The following ZNF334 variants were observed in gnomAD, a reference collection of about 807,000 sequenced individuals.
ZNF334 encodes zinc finger protein 334.
A neutral mutation model predicts 12.4 loss-of-function variants in ZNF334; 14 were observed. That is an observed-to-expected ratio of 1.13 (90% confidence interval 0.74 to 1.76). The LOEUF (loss-of-function observed/expected upper bound fraction) is 1.76. Ranked by LOEUF, ZNF334 falls within the 40% of genes most tolerant of loss-of-function variation. The pLI, the probability that ZNF334 is intolerant of heterozygous loss-of-function variation, is 0.00. For missense variants in ZNF334, 797 were observed against 804.5 expected, an observed-to-expected ratio of 0.99 and a Z score of 0.11; for synonymous variants, 273 against 269.6, an observed-to-expected ratio of 1.01 and a Z score of -0.12.
chr20:46,471,809 C>T, the ZNF334 span, among the ~76,000 whole-genome samples: 1 of 152,186 alleles, frequency 6.6e-6, no homozygotes. Context: ...CTTATGCCAA[C>T]ACCATACTTA....
At chr20:46,498,901 G>A (rs929638688), downstream of ZNF334, among the ~76,000 whole-genome samples, 6 of 152,186 alleles carry the variant, frequency 3.9e-5, no homozygotes, top group South Asian at 2.1e-4. Context: ...AGGGCCGGGC[G>A]CGGTGGCTCA....
At position 46,502,633 on chromosome 20, in the gene ZNF334, G is replaced by A. The variant is rs371979289; in HGVS notation, c.706C>T (p.Pro236Ser). 1.2e-6 allele frequency: 2 copies of A among 1,612,774 alleles called. No individual in the cohort carries two copies. The highest frequency in any genetic ancestry group is 3.3e-5 in the Admixed American group (2 of 60,018). The stretch of plus-strand genomic sequence containing the variant: ...TTCCTACATTCATTACATTCATTTG[G>A]TTTCCTTTCAGTCTGTCTCCCCTTT... ...TQKGRQTERK[P>S]NECNECRKTF... is the part of the protein sequence containing the mutation. The change falls in exon 5 of 5, where the codon CCA becomes TCA. Residue 236 changes from proline (P) to serine (S), a missense_variant. Physicochemically the swap from Pro to Ser is moderately conservative, Grantham distance 74 (BLOSUM62 -1). Coordinates refer to ENST00000692313, the MANE Select transcript of ZNF334 (RefSeq NM_001353824.2).
chr20:46,501,764 G>A lies in ZNF334; in HGVS notation c.1575C>T (p.Ala525=), dbSNP rs549261123. The A allele has an allele frequency of 2.3e-5, 37 of 1,613,972 alleles. No homozygotes were observed. Among genetic ancestry groups the A allele is most frequent in the Admixed American group, 1.8e-4 (11 of 60,008 alleles). The change falls in exon 5 of 5, where the codon GCC becomes GCT. Residue 525 remains alanine (A), a synonymous_variant. Coordinates refer to ENST00000692313, the MANE Select transcript of ZNF334 (RefSeq NM_001353824.2). ...CAATGAGGTGTGAGTTTTTGCTGAC[G>A]GCATGCCCATGTTCACTACACTCAT... is the stretch of plus-strand genomic sequence containing the variant. ...NLYECSEHGH[A]VSKNSHLIVH...
the ZNF334 span, among the ~76,000 whole-genome samples, chr20:46,474,933 A>AG: frequency 6.6e-6 from 1 of 152,180 alleles, no homozygotes; most frequent in Admixed American, 6.5e-5. Flanking sequence ...AGAAGAGAAG[A>AG]GGGGGTGAAG....
the ZNF334 span, among the ~76,000 whole-genome samples, chr20:46,466,023 T>C: frequency 6.6e-6 from 1 of 151,972 alleles, no homozygotes; most frequent in Admixed American, 6.6e-5. Flanking sequence ...GTTAGGAAAC[T>C]AGAGGTGTTG....
rs757422355 is a variant in ZNF334 at position 46,501,447 on chromosome 20, T to C, written c.1892A>G (p.Asn631Ser). ...GCGACGGTAGGTTTTCCCACATTGA[T>C]TACATTCATATGGTTTCTCTCCTGT... Reference protein sequence around the residue: ...IHTGEKPYECNQCGKTYRRLW... With the variant: ...IHTGEKPYECSQCGKTYRRLW... The change falls in exon 5 of 5, where the codon AAT (asparagine) becomes AGT (serine). Residue 631 changes from asparagine (N) to serine (S), a missense_variant. Asn to Ser is a conservative substitution (Grantham distance 46). Transcript: ENST00000692313. The C allele has an allele frequency of 3.1e-6, 5 of 1,614,004 alleles. No individual in the cohort carries two copies. Among genetic ancestry groups the C allele is most frequent in the Admixed American group, 1.7e-5 (1 of 60,010 alleles).
downstream of ZNF334, among the ~76,000 whole-genome samples, chr20:46,494,643 A>T (rs1299925804): frequency 1.3e-5 from 2 of 152,228 alleles, no homozygotes; most frequent in Non-Finnish European, 2.9e-5. Flanking sequence ...GGGACCTGTC[A>T]TCCCTAATTT....
chr20:46,502,223 T>C lies in ZNF334; in HGVS notation c.1116A>G (p.Arg372=). The change falls in exon 5 of 5, where the codon AGA becomes AGG. Residue 372 remains arginine (R), a synonymous_variant. Coordinates refer to ENST00000692313, the MANE Select transcript of ZNF334 (RefSeq NM_001353824.2). The part of the protein sequence containing the change: ...SYLVVHQRTH[R]GEKPNECKEC... Reference sequence around the variant, plus strand: ...CCTTACATTCATTTGGCTTCTCTCCTCTGTGAGTTCTTTGATGTACAACAA... The same window carrying C: ...CCTTACATTCATTTGGCTTCTCTCCCCTGTGAGTTCTTTGATGTACAACAA... 6.2e-7 allele frequency: 1 copy of C among 1,614,080 alleles called. No individual in the cohort carries two copies. The highest frequency in any genetic ancestry group is 8.5e-7 in the Non-Finnish European group (1 of 1,180,016).
Position 46,513,529 on chromosome 20 carries a change from CG to C in ZNF334, c.-1029del, listed in dbSNP as rs2061729043. ...AAGTCTCGGCGGGACCAGGGATTCA[CG>C]GGCTGCAGGACCCTCACCCGGAAGA... On this transcript the variant is annotated 5_prime_UTR_variant, in exon 1 of 5. Coordinates refer to ENST00000692313, the MANE Select transcript of ZNF334 (RefSeq NM_001353824.2). 6.6e-6 allele frequency: 1 copy of C among 152,306 alleles called. No homozygotes were observed. Among genetic ancestry groups the C allele is most frequent in the South Asian group, 2.1e-4 (1 of 4,828 alleles). 9.4% of individuals were successfully genotyped at this position (152,306 alleles called of 1,614,324 possible). A position where few individuals can be genotyped will look rare whatever the true frequency, so the allele number is the denominator to read the frequency against.
chr20:46,478,089 C>A, the ZNF334 span, among the ~76,000 whole-genome samples: 1 of 152,172 alleles, frequency 6.6e-6, no homozygotes, highest in South Asian at 2.1e-4. Context: ...TCTCCCTTTC[C>A]TCTGATTTTG....
chr20:46,493,575 A>G, the ZNF334 span, among the ~76,000 whole-genome samples: 15 of 152,156 alleles, frequency 9.9e-5, no homozygotes, highest in African/African-American at 3.4e-4. Context: ...CTTGAGGTCA[A>G]GAGTTTGAGA....
At position 46,501,994 on chromosome 20, in the gene ZNF334, T is replaced by C. The variant is rs759110577; in HGVS notation, c.1345A>G (p.Ile449Val). Residue 449 changes from isoleucine (I) to valine (V), a missense_variant, in exon 5 of 5, where the codon ATT becomes GTT. Physicochemically the swap from Ile to Val is conservative, Grantham distance 29. Coordinates refer to ENST00000692313, the MANE Select transcript of ZNF334 (RefSeq NM_001353824.2). ...GKFLCTKSALIAHQITHRGKK... is the reference protein window; with the variant it reads ...GKFLCTKSALVAHQITHRGKK... ...CCTCTATGAGTTATCTGATGTGCAA[T>C]GAGGGCTGATTTCGTACATAAAAAT... The C allele has an allele frequency of 6.2e-7, 1 of 1,613,938 alleles. No homozygotes were observed. The highest frequency in any genetic ancestry group is 8.5e-7 in the Non-Finnish European group (1 of 1,180,032).
the ZNF334 span, among the ~76,000 whole-genome samples, chr20:46,493,443 T>C: frequency 6.6e-6 from 1 of 152,184 alleles, no homozygotes; most frequent in Admixed American, 6.5e-5. Context: ...AGGGGTAACA[T>C]GAGAAATCCA....
At chr20:46,468,755 A>G in the ZNF334 span, among the ~76,000 whole-genome samples, 1 of 152,130 alleles carries the variant, frequency 6.6e-6, no homozygotes, top group African/African-American at 2.4e-5. Context: ...GGCATGTCTT[A>G]TGGAGAGGGG....
At chr20:46,506,243 G>A (rs552366180) in intron 2 of ZNF334, 3 of 468,782 alleles carry the variant, frequency 6.4e-6, no homozygotes, top group South Asian at 3.9e-5. Flanking sequence ...TAATGAGGAA[G>A]GTCTCCATGA....
chr20:46,462,612 CA>C, the ZNF334 span, among the ~76,000 whole-genome samples: 11 of 152,206 alleles, frequency 7.2e-5, no homozygotes, highest in Non-Finnish European at 1.3e-4. Flanking sequence ...ATTCTGTATC[CA>C]AGCCCCAGTT....
At chr20:46,499,210 T>C (rs1311048788), downstream of ZNF334, among the ~76,000 whole-genome samples, 4 of 141,656 alleles carry the variant, frequency 2.8e-5, no homozygotes, top group African/African-American at 7.9e-5. Context: ...AAGAATGCCA[T>C]GTGAAGTTAT....
the ZNF334 span, among the ~76,000 whole-genome samples, chr20:46,469,341 G>A: frequency 2.0e-5 from 3 of 151,338 alleles, no homozygotes; most frequent in Non-Finnish European, 4.4e-5. Flanking sequence ...CACCTTTAGA[G>A]ATCCACCCCG....
chr20:46,504,830 T>C, intron 2 of ZNF334, 90 bp from the exon 3 acceptor site: 1 of 1,163,550 alleles, frequency 8.6e-7, no homozygotes, highest in Non-Finnish European at 1.2e-6. Context: ...CTGCCATGGC[T>C]AATGGAAAGC....
Sources: allele counts gnomAD v4.1 joint callset (sites outside exome capture counted in the v4.1 genomes callset), GRCh38; gene constraint gnomAD v4.1.1; transcripts MANE v1.5; gene names NCBI Gene and HGNC (gene_info 2026-07-23, HGNC 2026-07-21).